LANCL1: variants seen among roughly 807,000 people sequenced by gnomAD.
LANCL1 encodes LanC like glutathione S-transferase 1, also known as glutathione S-transferase LANCL1.
In LANCL1, 50 loss-of-function variants were observed where a neutral mutation model predicts 50.6. That is an observed-to-expected ratio of 0.99 (90% CI 0.79 to 1.25). The LOEUF (loss-of-function observed/expected upper bound fraction) is 1.25. Among genes scored for constraint, LANCL1 ranks in the 50% most tolerant of loss-of-function variants. LANCL1 has a pLI of 0.00. For missense variants in LANCL1, 532 were observed against 480.7 expected (o/e 1.11, Z -1.00); for synonymous variants, 188 against 178.6 (o/e 1.05, Z -0.42).
intron 6 of LANCL1, among the ~76,000 whole-genome samples, chr2:210,438,896 G>C (rs1367003307): frequency 6.6e-6 from 1 of 152,184 alleles, no homozygotes; most frequent in Non-Finnish European, 1.5e-5. Context: ...CAGATTCAAA[G>C]TGCTGTTTCA....
At chr2:210,436,436 A>T (rs1391050600) in intron 7 of LANCL1, 44 bp from the exon 8 acceptor site, 2 of 1,563,682 alleles carry the variant, frequency 1.3e-6, no homozygotes, top group Non-Finnish European at 1.8e-6. Flanking sequence ...GATATAAAAG[A>T]AAGTTCCATT....
At chr2:210,477,098 T>G (rs1210405227), upstream of LANCL1, among the ~76,000 whole-genome samples, 3 of 145,144 alleles carry the variant, frequency 2.1e-5, no homozygotes, top group African/African-American at 2.5e-5. Context: ...TGGCGGGGGG[T>G]GGGGGGATAA....
rs1001009266 is a variant in LANCL1, at chr2:210,432,158, A to G, written c.*2329T>C. On this transcript the variant is annotated 3_prime_UTR_variant, in exon 10 of 10. Transcript: ENST00000450366. ...TATAAAAGTTTCTTTAGTTACTACC[A>G]TGTTGTTAGGGGATTGTCTCAGCGT... 3 of 152,232 alleles carry G rather than the reference A, an allele frequency of 2.0e-5. No individual in the cohort carries two copies. Among genetic ancestry groups the G allele is most frequent in the Non-Finnish European group, 4.4e-5 (3 of 68,034 alleles). The allele number at this position is 152,232 out of a possible 1,614,324, so 9.4% of individuals were successfully genotyped here.
upstream of LANCL1, chr2:210,476,892 T>A: frequency 1.2e-6 from 1 of 806,222 alleles, no homozygotes; most frequent in Non-Finnish European, 1.5e-6. Context: ...AATTACTGGG[T>A]AGCAGAAGTG....
rs532741434 is a variant in LANCL1 at position 210,436,114 on chromosome 2, C to T, written c.1050+102G>A. 206 of 997,190 alleles carry T rather than the reference C, an allele frequency of 2.1e-4. 1 individual carries two copies. The South Asian group carries it at 3.1e-3, about 15-fold the overall frequency. The allele number at this position is 997,190 out of a possible 1,614,324, so 61.8% of individuals were successfully genotyped here. A position where few individuals can be genotyped will look rare whatever the true frequency, so the allele number is the denominator to read the frequency against. ...CCATGTTAGCCAGGCTGGTCTCGAA[C>T]TCCTGACCTCAGGTGATCCGCCTGC... On this transcript the variant is annotated intron_variant, in intron 8 of 9. Coordinates refer to ENST00000450366, the MANE Select transcript of LANCL1 (RefSeq NM_006055.3).
rs536549601 is a variant in LANCL1 at position 210,446,600 on chromosome 2, G to C, written c.408-5157C>G. On this transcript the variant is annotated intron_variant, in intron 4 of 9. Transcript: ENST00000450366. ...TTCTAACCAAATGCATGGAAGTTAA[G>C]ACCCTTGAAAAAAGCTTAGAGGAAT... Among the ~76,000 whole-genome samples the C allele has an allele frequency of 2.0e-5, 3 of 151,676 alleles. No homozygotes were observed. The South Asian group carries it at 6.3e-4, about 32-fold the overall frequency.
intron 2 of LANCL1, 62 bp from the exon 3 acceptor site, chr2:210,472,138 A>G: frequency 9.3e-7 from 1 of 1,075,090 alleles, no homozygotes; most frequent in Non-Finnish European, 1.4e-6. Flanking sequence ...CTGGACTATA[A>G]GCTATCAAAG....
chr2:210,441,229 G>C, intron 5 of LANCL1, 79 bp downstream of exon 5: 1 of 1,404,934 alleles, frequency 7.1e-7, no homozygotes, highest in South Asian at 1.3e-5. Context: ...GCTAACTACA[G>C]AGACATAAAC....
intron 3 of LANCL1, among the ~76,000 whole-genome samples, chr2:210,470,552 T>A (rs761293068): frequency 1.3e-5 from 2 of 152,214 alleles, no homozygotes; most frequent in Non-Finnish European, 2.9e-5. Flanking sequence ...ATCCCAAATC[T>A]GAACATCGGT....
intron 4 of LANCL1, among the ~76,000 whole-genome samples, chr2:210,443,087 T>C (rs1388581930): frequency 6.6e-6 from 1 of 152,154 alleles, no homozygotes; most frequent in Non-Finnish European, 1.5e-5. Context: ...GCATGCATAG[T>C]CATAGACATG....
chr2:210,453,271 G>C (rs3755184), intron 4 of LANCL1, among the ~76,000 whole-genome samples: 95,480 of 152,026 alleles, frequency 0.63, 30,931 homozygotes, highest in East Asian at 0.82. Context: ...CATACTCTTA[G>C]GAGCATTTTA....
chr2:210,441,433 G>A lies in LANCL1; in HGVS notation c.418C>T (p.Leu140=). 1.9e-6 allele frequency: 3 copies of A among 1,604,208 alleles called. No individual in the cohort carries two copies. Among genetic ancestry groups the A allele is most frequent in the Non-Finnish European group, 2.6e-6 (3 of 1,173,848 alleles). ...GGAGCATGAGGATCAATCTTATTTAGGTGAATTAGCCTAAAAATAAAAATA... is the reference window on the plus strand; with the variant it reads ...GGAGCATGAGGATCAATCTTATTTAAGTGAATTAGCCTAAAAATAAAAATA... ...AEDCITRLIH[L]NKIDPHAPNE... The change falls in exon 5 of 10, where the codon CTA becomes TTA. Residue 140 remains leucine (L), a synonymous_variant. Coordinates refer to ENST00000450366, the MANE Select transcript of LANCL1 (RefSeq NM_006055.3).
At chr2:210,451,039 T>C (rs974535120) in intron 4 of LANCL1, among the ~76,000 whole-genome samples, 17 of 152,210 alleles carry the variant, frequency 1.1e-4, no homozygotes, top group Non-Finnish European at 5.9e-5. Flanking sequence ...CGTATGTTTA[T>C]TGCAACACTG....
rs1454394987 is a variant in LANCL1 at position 210,432,683 on chromosome 2, G to A, written c.*1804C>T. ...TAAGACATTTAACTAAACCAAATGA[G>A]CTTTATTCTTTCAAGCTGAACACCC... On this transcript the variant is annotated 3_prime_UTR_variant, in exon 10 of 10. Coordinates refer to ENST00000450366, the MANE Select transcript of LANCL1 (RefSeq NM_006055.3). The A allele has an allele frequency of 1.3e-5, 2 of 152,168 alleles. No individual in the cohort carries two copies. Among genetic ancestry groups the A allele is most frequent in the Non-Finnish European group, 2.9e-5 (2 of 68,034 alleles). 9.4% of individuals were successfully genotyped at this position (152,168 alleles called of 1,614,324 possible).
chr2:210,467,096 T>C (rs1489749609), intron 3 of LANCL1, among the ~76,000 whole-genome samples: 2 of 152,234 alleles, frequency 1.3e-5, no homozygotes, highest in African/African-American at 4.8e-5. Flanking sequence ...GAGGAAGATA[T>C]AGAAGAAGCA....
chr2:210,444,673 A>T (rs1693255408), intron 4 of LANCL1, among the ~76,000 whole-genome samples: 1 of 152,220 alleles, frequency 6.6e-6, no homozygotes, highest in Admixed American at 6.5e-5. Flanking sequence ...TCATAGTGAA[A>T]CAGTGGTTAT....
intron 3 of LANCL1, among the ~76,000 whole-genome samples, chr2:210,463,379 TAA>T (rs1559719020): frequency 3.3e-5 from 5 of 152,112 alleles, no homozygotes; most frequent in Admixed American, 2.6e-4. Context: ...CCTGGCTATA[TAA>T]AGTTTTTTTG....
chr2:210,472,414 A>G (rs966835094), intron 2 of LANCL1, among the ~76,000 whole-genome samples: 1 of 152,206 alleles, frequency 6.6e-6, no homozygotes, highest in South Asian at 2.1e-4. Context: ...AATTAAGCAC[A>G]AATCAGATGT....
chr2:210,474,815 T>C (rs751276324), intron 2 of LANCL1, among the ~76,000 whole-genome samples: 1 of 152,068 alleles, frequency 6.6e-6, no homozygotes, highest in Non-Finnish European at 1.5e-5. Flanking sequence ...ATAGGTACAT[T>C]TTATTGAAGG....
Sources: allele counts gnomAD v4.1 joint callset (sites outside exome capture counted in the v4.1 genomes callset), GRCh38; gene constraint gnomAD v4.1.1; transcripts MANE v1.5; gene names NCBI Gene and HGNC (gene_info 2026-07-23, HGNC 2026-07-21).